The following SPECC1L variants were observed in gnomAD, a reference collection of about 807,000 sequenced individuals.
SPECC1L encodes cytospin-A.
A neutral mutation model predicts 116.8 loss-of-function variants in SPECC1L; 40 were observed. The observed-to-expected ratio is 0.34, with a 90% CI of 0.27 to 0.45. SPECC1L has a LOEUF of 0.45. Ranked by LOEUF, SPECC1L falls within the 20% of genes least tolerant of loss-of-function variation. SPECC1L has a pLI of 1.00. For synonymous variants in SPECC1L, 504 were observed against 500.6 expected, an observed-to-expected ratio of 1.01 and a Z score of -0.09; for missense variants, 1,110 against 1,373.6, an observed-to-expected ratio of 0.81 and a Z score of 3.03.
chr22:24,367,929 A>G (rs1227108211), intron 13 of SPECC1L, among the ~76,000 whole-genome samples: 4 of 152,208 alleles, frequency 2.6e-5, no homozygotes, highest in African/African-American at 4.8e-5. Context: ...CTACTAGTCA[A>G]GCTGCCGGTT....
At chr22:24,288,815 G>T (rs530855587) in intron 2 of SPECC1L, among the ~76,000 whole-genome samples, 2 of 151,746 alleles carry the variant, frequency 1.3e-5, no homozygotes, top group South Asian at 2.1e-4. Flanking sequence ...TAGTAGAGAC[G>T]GGTTTTCACC....
chr22:24,316,322 G>C (rs533366870), intron 4 of SPECC1L, among the ~76,000 whole-genome samples: 5 of 146,810 alleles, frequency 3.4e-5, no homozygotes, highest in Admixed American at 1.3e-4. Context: ...GGTGTTTCTC[G>C]CAGAGGGGGA....
intron 14 of SPECC1L, among the ~76,000 whole-genome samples, chr22:24,386,443 G>A (rs1423999669): frequency 6.6e-6 from 1 of 152,006 alleles, no homozygotes; most frequent in African/African-American, 2.4e-5. Context: ...GTGCAGTAAG[G>A]CAGAAAGAGA....
intron 14 of SPECC1L, among the ~76,000 whole-genome samples, chr22:24,390,192 C>T (rs754135011): frequency 7.2e-5 from 11 of 151,776 alleles, no homozygotes; most frequent in Non-Finnish European, 8.8e-5. Context: ...TCCAGAATGC[C>T]GCTCTTCCCC....
intron 11 of SPECC1L, among the ~76,000 whole-genome samples, chr22:24,353,461 GT>G (rs1037345360): frequency 2.0e-5 from 3 of 151,938 alleles, no homozygotes; most frequent in Admixed American, 2.0e-4. Flanking sequence ...TGTTTTTTGA[GT>G]TTTTTGAGAT....
intron 1 of SPECC1L, among the ~76,000 whole-genome samples, chr22:24,272,083 T>A (rs894665031): frequency 2.0e-5 from 3 of 152,198 alleles, no homozygotes; most frequent in African/African-American, 7.2e-5. Context: ...AATTTTTTCT[T>A]CGTAATTAAA....
At position 24,322,872 on chromosome 22, in the gene SPECC1L, C is replaced by T; in HGVS notation, c.1892C>T (p.Ala631Val). ...GCTAGTAGCTTGCAGGAAGATCTGG[C>T]TCATACCCGAAATGATGCCAATCGA... Reference protein sequence around the residue: ...TLASSLQEDLAHTRNDANRLQ... With the variant: ...TLASSLQEDLVHTRNDANRLQ... Residue 631 changes from alanine to valine, a missense_variant, in exon 5 of 17, where the codon GCT becomes GTT. By Grantham distance (64) the Ala-to-Val change is moderately conservative (BLOSUM62 0). Transcript: ENST00000314328. The T allele has an allele frequency of 6.2e-7, 1 of 1,613,716 alleles. No homozygotes were observed.
chr22:24,372,862 A>T (rs1366422951), intron 14 of SPECC1L, among the ~76,000 whole-genome samples: 1 of 152,222 alleles, frequency 6.6e-6, no homozygotes, highest in Non-Finnish European at 1.5e-5. Context: ...ACATGATTAT[A>T]TATCTAGAAA....
chr22:24,368,926 C>T (rs559693189), intron 13 of SPECC1L, among the ~76,000 whole-genome samples: 38 of 152,332 alleles, frequency 2.5e-4, no homozygotes, highest in Non-Finnish European at 4.4e-4. Context: ...GGATTACAGG[C>T]GTGAGCCACA....
At position 24,410,137 on chromosome 22, in the gene SPECC1L, A is replaced by C. The variant is rs907836859; in HGVS notation, c.3088-1451A>C. On this transcript the variant is annotated intron_variant, in intron 14 of 16. Transcript: ENST00000314328. ...TCAGATGATGACACCTTCAAGTTAC[A>C]GAGGTGTTTTGGTTTGTGGTTTGTG... Among the ~76,000 whole-genome samples the C allele has an allele frequency of 3.3e-5, 5 of 152,244 alleles. No homozygotes were observed. In the East Asian group the frequency reaches 9.6e-4, roughly 29 times the overall value.
At chr22:24,347,214 A>T in intron 11 of SPECC1L, 38 bp downstream of exon 11, 1 of 1,520,704 alleles carries the variant, frequency 6.6e-7, no homozygotes, top group Non-Finnish European at 9.1e-7. Flanking sequence ...CCTTTTTTTC[A>T]ATTTTTGAAT....
chr22:24,282,030 A>G (rs947032248), intron 2 of SPECC1L, among the ~76,000 whole-genome samples: 1 of 152,198 alleles, frequency 6.6e-6, no homozygotes, highest in African/African-American at 2.4e-5. Flanking sequence ...GGGGAAGCCG[A>G]TGGGCCAGGA....
intron 14 of SPECC1L, among the ~76,000 whole-genome samples, chr22:24,392,320 T>G (rs944695417): frequency 6.6e-6 from 1 of 151,880 alleles, no homozygotes; most frequent in Non-Finnish European, 1.5e-5. Flanking sequence ...AAATAATCTT[T>G]ATGTATCATC....
At chr22:24,318,728 T>A (rs1473780082) in intron 4 of SPECC1L, among the ~76,000 whole-genome samples, 2 of 151,892 alleles carry the variant, frequency 1.3e-5, no homozygotes. Context: ...AAGACCAGCT[T>A]GGGCAACATG....
intron 3 of SPECC1L, among the ~76,000 whole-genome samples, chr22:24,305,788 C>T (rs1339672777): frequency 6.6e-6 from 1 of 152,174 alleles, no homozygotes; most frequent in African/African-American, 2.4e-5. Context: ...AGTTTACACT[C>T]CTGGTTACTT....
intron 14 of SPECC1L, among the ~76,000 whole-genome samples, chr22:24,381,166 G>T (rs1158405046): frequency 6.6e-6 from 1 of 152,122 alleles, no homozygotes; most frequent in Admixed American, 6.5e-5. Context: ...AAGAGCTTGT[G>T]TTGCATCACT....
At chr22:24,328,740 C>T in intron 6 of SPECC1L, 106 bp from the exon 7 acceptor site, 1 of 829,946 alleles carries the variant, frequency 1.2e-6, no homozygotes. Flanking sequence ...AGTCTTTGGA[C>T]AGGATAACTT....
At chr22:24,373,809 A>C (rs2041917071) in intron 14 of SPECC1L, among the ~76,000 whole-genome samples, 1 of 152,216 alleles carries the variant, frequency 6.6e-6, no homozygotes. Flanking sequence ...TCTGCACAGC[A>C]AAAGAAACTA....
chr22:24,375,750 T>C (rs1228668934), intron 14 of SPECC1L, among the ~76,000 whole-genome samples: 1 of 152,066 alleles, frequency 6.6e-6, no homozygotes, highest in African/African-American at 2.4e-5. Context: ...GGCCAGGAGT[T>C]CAAGACCAGC....
Sources: allele counts gnomAD v4.1 joint callset (sites outside exome capture counted in the v4.1 genomes callset), GRCh38; gene constraint gnomAD v4.1.1; transcripts MANE v1.5; gene names NCBI Gene and HGNC (gene_info 2026-07-23, HGNC 2026-07-21).